The following HNRNPA1L2 variants were observed in gnomAD, a reference collection of about 807,000 sequenced individuals.
HNRNPA1L2 encodes the protein heterogeneous nuclear ribonucleoprotein A1-like 2.
In HNRNPA1L2, 10 loss-of-function variants were observed where a neutral mutation model predicts 18.2. That is an observed-to-expected ratio of 0.55 (90% CI 0.34 to 0.93). The LOEUF (loss-of-function observed/expected upper bound fraction) is 0.93. Among genes scored for constraint, HNRNPA1L2 ranks in the 40% least tolerant of loss-of-function variants. HNRNPA1L2 has a pLI of 0.02. For synonymous variants in HNRNPA1L2, 124 were observed against 138.6 expected (o/e 0.89, Z 0.74); for missense variants, 308 against 394.4 (o/e 0.78, Z 1.85).
At chr13:52,619,919 C>CAAAA in the HNRNPA1L2 span, among the ~76,000 whole-genome samples, 70 of 69,142 alleles carry the variant, frequency 1.0e-3, no homozygotes, top group Admixed American at 9.5e-4. Flanking sequence ...GATTCCGTCT[C>CAAAA]AAAAAAAAAA....
chr13:52,631,857 A>G, the HNRNPA1L2 span, among the ~76,000 whole-genome samples: 1 of 152,234 alleles, frequency 6.6e-6, no homozygotes, highest in Non-Finnish European at 1.5e-5. Context: ...TTAAAAAGTC[A>G]TGTAAAGAAA....
chr13:52,626,932 T>C, the HNRNPA1L2 span, among the ~76,000 whole-genome samples: 1 of 152,198 alleles, frequency 6.6e-6, no homozygotes, highest in Non-Finnish European at 1.5e-5. Flanking sequence ...TCATACAGAA[T>C]ATATTCTGTG....
chr13:52,643,271 A>G lies in HNRNPA1L2; in HGVS notation c.779A>G (p.Tyr260Cys), dbSNP rs767420094. 2.5e-6 allele frequency: 4 copies of G among 1,592,296 alleles called. No homozygotes were observed. Among genetic ancestry groups the G allele is most frequent in the Non-Finnish European group, 3.4e-6 (4 of 1,175,182 alleles). Residue 260 changes from tyrosine to cysteine, a missense_variant, in exon 1 of 1, where the codon TAC (tyrosine) becomes TGC (cysteine). Tyr to Cys is a radical substitution (Grantham distance 194). Transcript: ENST00000357495. ...DGSNFGGGGS[Y>C]NDFGNYNNQS... is the part of the protein sequence containing the mutation. ...AGCAATTTTGGAGGTGGTGGAAGCT[A>G]CAATGATTTTGGCAATTACAACAAT...
chr13:52,617,625 G>T, the HNRNPA1L2 span: 2 of 472,912 alleles, frequency 4.2e-6, no homozygotes, highest in Admixed American at 3.5e-5. Flanking sequence ...TCCCCTGGAA[G>T]CCCGGAGACA....
At chr13:52,630,056 C>T in the HNRNPA1L2 span, among the ~76,000 whole-genome samples, 4 of 152,168 alleles carry the variant, frequency 2.6e-5, no homozygotes, top group Non-Finnish European at 5.9e-5. Flanking sequence ...CCACTGTACC[C>T]TATAGCTTAA....
chr13:52,643,172 G>T lies in HNRNPA1L2; in HGVS notation c.680G>T (p.Gly227Val), dbSNP rs755623888. Residue 227 changes from glycine (G) to valine (V), a missense_variant, in exon 1 of 1, where the codon GGC becomes GTC. Coordinates refer to ENST00000357495, the MANE Select transcript of HNRNPA1L2 (RefSeq NM_001389320.1). ...GRGGNFSGRGGFGGSCGGGGY... is the reference protein window; with the variant it reads ...GRGGNFSGRGVFGGSCGGGGY... ...GGAGGAAACTTCAGTGGTCGTGGTGGCTTTGGTGGCAGCTGTGGTGGTGGT... is the reference window on the plus strand; with the variant it reads ...GGAGGAAACTTCAGTGGTCGTGGTGTCTTTGGTGGCAGCTGTGGTGGTGGT... The T allele has an allele frequency of 2.4e-5, 38 of 1,597,916 alleles. No homozygotes were observed. In the South Asian group the frequency reaches 4.0e-4, roughly 17 times the overall value.
chr13:52,626,535 C>T, the HNRNPA1L2 span, among the ~76,000 whole-genome samples: 3 of 151,520 alleles, frequency 2.0e-5, no homozygotes, highest in Non-Finnish European at 2.9e-5. Context: ...CTTTTAAAAG[C>T]TTTTTCTTAT....
the HNRNPA1L2 span, chr13:52,621,909 A>T: frequency 6.6e-6 from 1 of 152,480 alleles, no homozygotes; most frequent in Non-Finnish European, 1.5e-5. Context: ...TTGAATTGAA[A>T]AAAAATTTAG....
At chr13:52,628,289 A>C in the HNRNPA1L2 span, among the ~76,000 whole-genome samples, 1 of 152,122 alleles carries the variant, frequency 6.6e-6, no homozygotes, top group Non-Finnish European at 1.5e-5. Context: ...CAAACCATAA[A>C]AAAATTAGCT....
upstream of HNRNPA1L2, chr13:52,637,562 G>C (rs1041768343): frequency 1.3e-5 from 2 of 155,084 alleles, no homozygotes; most frequent in Non-Finnish European, 2.9e-5. Context: ...AGATATCTTC[G>C]CGGTGTCCTA....
At chr13:52,633,171 C>G in the HNRNPA1L2 span, among the ~76,000 whole-genome samples, 1 of 152,208 alleles carries the variant, frequency 6.6e-6, no homozygotes, top group South Asian at 2.1e-4. Flanking sequence ...CAGTATATCT[C>G]TATGCTATTA....
the HNRNPA1L2 span, chr13:52,632,618 A>C: frequency 2.0e-5 from 3 of 152,728 alleles, no homozygotes; most frequent in South Asian, 2.1e-4. Context: ...CCTGGATTCG[A>C]ATCATGAATG....
chr13:52,623,156 A>G, the HNRNPA1L2 span, among the ~76,000 whole-genome samples: 2 of 152,228 alleles, frequency 1.3e-5, no homozygotes, highest in Non-Finnish European at 2.9e-5. Flanking sequence ...AGTTACATAT[A>G]AGTATGTGGA....
At chr13:52,623,764 A>C in the HNRNPA1L2 span, among the ~76,000 whole-genome samples, 1 of 152,202 alleles carries the variant, frequency 6.6e-6, no homozygotes, top group Non-Finnish European at 1.5e-5. Context: ...TGGTTACCAT[A>C]GTTACACTAC....
chr13:52,620,561 T>C, the HNRNPA1L2 span, among the ~76,000 whole-genome samples: 5 of 152,220 alleles, frequency 3.3e-5, no homozygotes, highest in African/African-American at 1.2e-4. Context: ...AAACAGCTAC[T>C]GAATCAGAGT....
chr13:52,632,922 T>A, the HNRNPA1L2 span, among the ~76,000 whole-genome samples: 1 of 152,362 alleles, frequency 6.6e-6, no homozygotes, highest in East Asian at 1.9e-4. Flanking sequence ...AGCTAGGCAC[T>A]ATGGCCTTGG....
At chr13:52,629,642 A>G in the HNRNPA1L2 span, among the ~76,000 whole-genome samples, 1 of 152,206 alleles carries the variant, frequency 6.6e-6, no homozygotes, top group Non-Finnish European at 1.5e-5. Context: ...AATAGAGCTG[A>G]CTGAATTCTG....
At chr13:52,641,295 T>A (rs776690868), upstream of HNRNPA1L2, 6 of 152,210 alleles carry the variant, frequency 3.9e-5, no homozygotes, top group Non-Finnish European at 7.3e-5. Context: ...AGTATTGCAT[T>A]TGACTTATTA....
chr13:52,631,095 CA>C, the HNRNPA1L2 span, among the ~76,000 whole-genome samples: 1 of 152,054 alleles, frequency 6.6e-6, no homozygotes, highest in East Asian at 1.9e-4. Flanking sequence ...GGTGAGATGC[CA>C]AGTTGTTCAC....
Sources: allele counts gnomAD v4.1 joint callset (sites outside exome capture counted in the v4.1 genomes callset), GRCh38; gene constraint gnomAD v4.1.1; transcripts MANE v1.5; gene names NCBI Gene and HGNC (gene_info 2026-07-23, HGNC 2026-07-21).